EDIL3: variants seen among roughly 807,000 people sequenced by gnomAD.
EDIL3 encodes EGF like and discoidin domains 3, also known as EGF-like repeat and discoidin I-like domain-containing protein 3.
A neutral mutation model predicts 67.4 loss-of-function variants in EDIL3; 37 were observed. The ratio of observed to expected loss-of-function variants is 0.55; its 90% CI spans 0.42 to 0.72. The LOEUF (loss-of-function observed/expected upper bound fraction) is 0.72. Among genes scored for constraint, EDIL3 ranks in the 30% least tolerant of loss-of-function variants. EDIL3 has a pLI of 0.00. For synonymous variants in EDIL3, 195 were observed against 196.3 expected (o/e 0.99, Z 0.05); for missense variants, 527 against 586.3 (o/e 0.90, Z 1.04).
chr5:84,090,714 G>C (rs1334752356), intron 6 of EDIL3, among the ~76,000 whole-genome samples: 1 of 152,010 alleles, frequency 6.6e-6, no homozygotes, highest in African/African-American at 2.4e-5. Context: ...TTGGGAGGTC[G>C]AGGTGGGTGG....
chr5:84,100,691 T>C (rs1216056192), intron 6 of EDIL3, among the ~76,000 whole-genome samples: 2 of 152,176 alleles, frequency 1.3e-5, no homozygotes, highest in Non-Finnish European at 2.9e-5. Context: ...CTGCATGTTT[T>C]GCACATGTAT....
intron 9 of EDIL3, among the ~76,000 whole-genome samples, chr5:84,013,479 T>G (rs188754781): frequency 1.1e-4 from 17 of 152,146 alleles, no homozygotes; most frequent in Non-Finnish European, 2.4e-4. Flanking sequence ...TCAGGAATAT[T>G]CTGCTGCCAA....
rs1476197444 is a variant in EDIL3, at chr5:84,112,175, C to T, written c.470-5345G>A. ...AGTGATGGGGAGTTTTTGAAGGACT[C>T]TATGGCCACATTTTCATTTAATTTA... On this transcript the variant is annotated intron_variant, in intron 5 of 10. Transcript: ENST00000296591. Among the ~76,000 whole-genome samples, 3 of 152,118 alleles carry T rather than the reference C, an allele frequency of 2.0e-5. No homozygotes were observed. In the East Asian group the frequency reaches 5.8e-4, roughly 29 times the overall value.
intron 5 of EDIL3, among the ~76,000 whole-genome samples, chr5:84,113,164 G>A (rs778840996): frequency 2.6e-5 from 4 of 152,086 alleles, no homozygotes; most frequent in Non-Finnish European, 4.4e-5. Flanking sequence ...GTGGCAATTC[G>A]ATCAATGCTG....
chr5:84,242,294 G>A (rs1744813689), intron 2 of EDIL3, among the ~76,000 whole-genome samples: 1 of 152,004 alleles, frequency 6.6e-6, no homozygotes, highest in African/African-American at 2.4e-5. Context: ...CAGTTTTACA[G>A]ATGAGGAAAG....
At chr5:84,061,058 G>A (rs1028282524) in intron 8 of EDIL3, among the ~76,000 whole-genome samples, 1 of 152,076 alleles carries the variant, frequency 6.6e-6, no homozygotes, top group African/African-American at 2.4e-5. Context: ...TTCTGTAAGA[G>A]AGGAATCTAG....
intron 8 of EDIL3, among the ~76,000 whole-genome samples, 183 bp downstream of exon 8, chr5:84,064,517 T>TAA (rs1746598914): frequency 6.6e-6 from 1 of 152,220 alleles, no homozygotes; most frequent in Non-Finnish European, 1.5e-5. Context: ...CTGTAGCATG[T>TAA]TTTAGAACTT....
intron 6 of EDIL3, among the ~76,000 whole-genome samples, chr5:84,093,820 C>T (rs189799137): frequency 1.0e-3 from 155 of 152,022 alleles, no homozygotes; most frequent in South Asian, 3.5e-3. Context: ...CCACCACAAC[C>T]GGCTAATTTC....
At chr5:84,110,058 C>T (rs1009817198) in intron 5 of EDIL3, among the ~76,000 whole-genome samples, 3 of 152,126 alleles carry the variant, frequency 2.0e-5, no homozygotes, top group African/African-American at 4.8e-5. Context: ...TAGCCCCTTT[C>T]GAGTAGGAGC....
intron 1 of EDIL3, among the ~76,000 whole-genome samples, chr5:84,337,310 C>T (rs1401823034): frequency 6.6e-6 from 1 of 152,110 alleles, no homozygotes; most frequent in African/African-American, 2.4e-5. Flanking sequence ...TCTAGGTACA[C>T]GTTGATCTGC....
intron 1 of EDIL3, among the ~76,000 whole-genome samples, chr5:84,257,760 C>A (rs546823111): frequency 4.5e-4 from 68 of 152,184 alleles, no homozygotes; most frequent in African/African-American, 1.5e-3. Flanking sequence ...TTAAACATGA[C>A]TTGTTAAGTA....
chr5:84,250,060 C>A (rs191537088), intron 2 of EDIL3, among the ~76,000 whole-genome samples: 1 of 152,196 alleles, frequency 6.6e-6, no homozygotes, highest in Non-Finnish European at 1.5e-5. Flanking sequence ...AAGCAATTTG[C>A]GGCTTAGCCA....
chr5:84,196,484 C>T (rs1483900615), intron 3 of EDIL3, among the ~76,000 whole-genome samples: 1 of 151,988 alleles, frequency 6.6e-6, no homozygotes, highest in Non-Finnish European at 1.5e-5. Context: ...TCTAACATAG[C>T]ATGTAATTTA....
intron 1 of EDIL3, among the ~76,000 whole-genome samples, chr5:84,319,070 C>T (rs1746571551): frequency 6.6e-6 from 1 of 152,138 alleles, no homozygotes; most frequent in South Asian, 2.1e-4. Flanking sequence ...CATCACTGGT[C>T]ATTAGAGAAA....
intron 1 of EDIL3, among the ~76,000 whole-genome samples, chr5:84,328,333 C>T (rs1320289571): frequency 6.6e-6 from 1 of 151,904 alleles, no homozygotes; most frequent in African/African-American, 2.4e-5. Flanking sequence ...GTTGGTTATA[C>T]CCAAAATGCT....
At chr5:84,312,311 G>A (rs1321539277) in intron 1 of EDIL3, among the ~76,000 whole-genome samples, 1 of 137,714 alleles carries the variant, frequency 7.3e-6, no homozygotes, top group African/African-American at 2.8e-5. Context: ...CCTCCCCGAC[G>A]GGGCGGCTGG....
intron 2 of EDIL3, among the ~76,000 whole-genome samples, chr5:84,249,136 C>T (rs964643840): frequency 2.0e-5 from 3 of 151,964 alleles, no homozygotes; most frequent in Non-Finnish European, 4.4e-5. Context: ...CAGTTTATGA[C>T]ATTATACCTT....
chr5:84,229,705 T>A (rs1744527616), intron 3 of EDIL3, 150 bp downstream of exon 3: 1 of 759,600 alleles, frequency 1.3e-6, no homozygotes, highest in African/African-American at 1.7e-5. Context: ...CACAGCATAG[T>A]GAGCTCAGCA....
chr5:84,164,934 G>A (rs1045750144), intron 4 of EDIL3, among the ~76,000 whole-genome samples: 8 of 152,064 alleles, frequency 5.3e-5, no homozygotes, highest in African/African-American at 1.7e-4. Context: ...CATTATCGAT[G>A]AGCGATAAGG....
Sources: gnomAD v4.1 joint callset for allele counts (sites outside exome capture counted in the v4.1 genomes callset) on GRCh38, gnomAD v4.1.1 for gene constraint, MANE v1.5 for transcripts, NCBI Gene and HGNC (gene_info 2026-07-23, HGNC 2026-07-21) for gene names.